Variants in PKIB observed in about 807,000 individuals in gnomAD.
PKIB encodes the protein PKI-beta.
PKIB carries 2 observed loss-of-function variants against 4.5 expected under a neutral mutation model. The ratio of observed to expected loss-of-function variants is 0.44; its 90% CI spans 0.18 to 1.39. PKIB has a LOEUF of 1.39. Among genes scored for constraint, PKIB ranks in the 40% most tolerant of loss-of-function variants. The pLI is 0.27. For missense variants in PKIB, 94 were observed against 92.6 expected (o/e 1.02, Z -0.06); for synonymous variants, 38 against 36.0 (o/e 1.06, Z -0.20).
At chr6:122,503,160 C>T (rs1056810352) in intron 2 of PKIB, among the ~76,000 whole-genome samples, 9 of 152,246 alleles carry the variant, frequency 5.9e-5, no homozygotes, top group Middle Eastern at 3.4e-3. Context: ...TGATTACCCA[C>T]GAAAGACCCC....
intron 2 of PKIB, among the ~76,000 whole-genome samples, chr6:122,581,301 G>A (rs1486204072): frequency 6.6e-6 from 1 of 152,098 alleles, no homozygotes; most frequent in Non-Finnish European, 1.5e-5. Context: ...TCAATGTAGA[G>A]AATTTCTTCC....
chr6:122,554,033 C>T (rs1452186505), intron 2 of PKIB, among the ~76,000 whole-genome samples: 1 of 152,188 alleles, frequency 6.6e-6, no homozygotes, highest in Non-Finnish European at 1.5e-5. Flanking sequence ...TATAGGTCAA[C>T]AGGTACAGCT....
chr6:122,667,205 C>T (rs1777255227), intron 2 of PKIB, among the ~76,000 whole-genome samples: 1 of 152,158 alleles, frequency 6.6e-6, no homozygotes, highest in East Asian at 1.9e-4. Flanking sequence ...TTATAATTAA[C>T]ATCAAAATTA....
chr6:122,576,250 A>G (rs1416884637), intron 2 of PKIB, among the ~76,000 whole-genome samples: 1 of 152,162 alleles, frequency 6.6e-6, no homozygotes, highest in East Asian at 1.9e-4. Context: ...CTGTAATCCC[A>G]GAACTTTGGG....
chr6:122,517,115 T>G (rs1276807522), intron 2 of PKIB, among the ~76,000 whole-genome samples: 1 of 152,218 alleles, frequency 6.6e-6, no homozygotes, highest in African/African-American at 2.4e-5. Flanking sequence ...TTTTTTGTTG[T>G]TGTTCACTTT....
chr6:122,576,820 G>A (rs978492072), intron 2 of PKIB, among the ~76,000 whole-genome samples: 31 of 149,880 alleles, frequency 2.1e-4, no homozygotes, highest in Admixed American at 1.4e-3. Flanking sequence ...GTGTATTATC[G>A]CATGTGTTTT....
chr6:122,542,336 G>A (rs1275536695), intron 2 of PKIB, among the ~76,000 whole-genome samples: 1 of 151,940 alleles, frequency 6.6e-6, no homozygotes, highest in African/African-American at 2.4e-5. Flanking sequence ...GGTCTTTGAT[G>A]ATGGTGACAC....
At chr6:122,658,881 C>T (rs1776880470) in intron 2 of PKIB, among the ~76,000 whole-genome samples, 1 of 81,044 alleles carries the variant, frequency 1.2e-5, no homozygotes, top group Non-Finnish European at 2.4e-5. Context: ...TACCTACTTA[C>T]CATCTGCCAG....
chr6:122,713,903 CT>C (rs1333132717), intron 3 of PKIB, among the ~76,000 whole-genome samples: 5 of 152,264 alleles, frequency 3.3e-5, no homozygotes, highest in South Asian at 4.1e-4. Flanking sequence ...CCTTTTCCCC[CT>C]ATAAATATTA....
intron 3 of PKIB, among the ~76,000 whole-genome samples, chr6:122,602,353 A>G (rs555461334): frequency 8.5e-5 from 13 of 152,330 alleles, no homozygotes; most frequent in African/African-American, 3.1e-4. Context: ...GAAAGGAGAC[A>G]GGCTTTGTTT....
intron 2 of PKIB, among the ~76,000 whole-genome samples, chr6:122,533,144 CTTTTTATTTATTTATTTATTTATT>C (rs1562241807): frequency 6.8e-6 from 1 of 147,258 alleles, no homozygotes; most frequent in Non-Finnish European, 1.5e-5. Context: ...ATGCACAAAA[CTTTTTATTTATTTATTTATTTATT>C]TATTTATTTA....
chr6:122,524,172 C>CTCCTCCTCTTCA (rs1777028181), intron 2 of PKIB, among the ~76,000 whole-genome samples: 1 of 138,760 alleles, frequency 7.2e-6, no homozygotes, highest in Non-Finnish European at 1.5e-5. Context: ...GCCCTTCCTC[C>CTCCTCCTCTTCA]TCCTCCTCTT....
At chr6:122,473,569 A>G (rs1304436613) in intron 1 of PKIB, among the ~76,000 whole-genome samples, 1 of 152,246 alleles carries the variant, frequency 6.6e-6, no homozygotes, top group African/African-American at 2.4e-5. Context: ...TTATATATAC[A>G]ACATTAATTG....
At chr6:122,628,610 T>C (rs970011168) in intron 1 of PKIB, among the ~76,000 whole-genome samples, 1 of 152,234 alleles carries the variant, frequency 6.6e-6, no homozygotes, top group African/African-American at 2.4e-5. Flanking sequence ...TAATAGCTAG[T>C]ATAAATGTTA....
chr6:122,593,385 G>A (rs1029366006), intron 3 of PKIB, among the ~76,000 whole-genome samples: 4 of 152,166 alleles, frequency 2.6e-5, no homozygotes, highest in African/African-American at 9.7e-5. Context: ...ATTTAGTGGG[G>A]AAATGGAGAC....
At chr6:122,574,320 G>A (rs980496773) in intron 2 of PKIB, among the ~76,000 whole-genome samples, 3 of 152,104 alleles carry the variant, frequency 2.0e-5, no homozygotes, top group Non-Finnish European at 4.4e-5. Flanking sequence ...TCAGTGTTGT[G>A]AAAATATCCA....
chr6:122,571,047 TA>T (rs57706158), intron 2 of PKIB, among the ~76,000 whole-genome samples: 80 of 150,664 alleles, frequency 5.3e-4, no homozygotes, highest in African/African-American at 1.7e-3. Context: ...ATGGATATCA[TA>T]AAAAAAAACA....
intron 2 of PKIB, among the ~76,000 whole-genome samples, chr6:122,502,207 C>T (rs1185015859): frequency 6.6e-6 from 1 of 152,052 alleles, no homozygotes; most frequent in African/African-American, 2.4e-5. Context: ...TTTCCCTCAT[C>T]TTTCTGTCTT....
At chr6:122,585,458 ATAATTT>A (rs1423308041) in intron 2 of PKIB, 2 of 152,168 alleles carry the variant, frequency 1.3e-5, no homozygotes, top group African/African-American at 4.8e-5. Context: ...GGGGCCAGAG[ATAATTT>A]TAATTTCTTT....
Sources: allele counts gnomAD v4.1 joint callset (sites outside exome capture counted in the v4.1 genomes callset), GRCh38; gene constraint gnomAD v4.1.1; transcripts MANE v1.5; gene names NCBI Gene and HGNC (gene_info 2026-07-23, HGNC 2026-07-21).